MATR3: variants seen among roughly 807,000 people sequenced by gnomAD.
The protein encoded by MATR3 is matrin 3, also known as matrin-3.
In MATR3, 4 loss-of-function variants were observed where a neutral mutation model predicts 85.5. The ratio of observed to expected loss-of-function variants is 0.05; its 90% confidence interval spans 0.02 to 0.11. The LOEUF (loss-of-function observed/expected upper bound fraction) is 0.11. Ranked by LOEUF, MATR3 falls within the 10% of genes least tolerant of loss-of-function variation. MATR3 has a pLI of 1.00. For synonymous variants in MATR3, 336 were observed against 343.1 expected, an observed-to-expected ratio of 0.98 and a Z score of 0.23; for missense variants, 685 against 1,016.1, an observed-to-expected ratio of 0.67 and a Z score of 4.43.
chr5:139,329,575 G>T lies in MATR3; in HGVS notation c.*180G>T, dbSNP rs748891727. On this transcript the variant is annotated 3_prime_UTR_variant, in exon 15 of 15. Transcript: ENST00000394805. ...TTATAGCAAAAAAAATACACATATG[G>T]TTAAGTTAATGAATAGTTTTTGTTT... 1 of 619,102 alleles carries T rather than the reference G, an allele frequency of 1.6e-6. No homozygotes were observed. The highest frequency in any genetic ancestry group is 2.2e-5 in the Admixed American group (1 of 46,266). The allele number at this position is 619,102 out of a possible 1,614,324, so 38.4% of individuals were successfully genotyped here. A position where few individuals can be genotyped will look rare whatever the true frequency, so the allele number is the denominator to read the frequency against.
chr5:139,285,763 G>T lies in MATR3; in HGVS notation c.-178+6634G>T, dbSNP rs567201591. ...AATCATTAAAAAGAACCAAATTCTG[G>T]AGCTAGAGAACACAATGACTAAATT... On this transcript the variant is annotated intron_variant, in intron 3 of 16. Coordinates refer to ENST00000509990, the Ensembl canonical transcript of MATR3. Among the ~76,000 whole-genome samples the T allele has an allele frequency of 2.0e-5, 3 of 152,210 alleles. No individual in the cohort carries two copies. The South Asian group carries it at 6.2e-4, about 32-fold the overall frequency.
At chr5:139,314,326 AATACTT>A (rs1255420673) in intron 2 of MATR3, 3 of 315,136 alleles carry the variant, frequency 9.5e-6, no homozygotes, top group African/African-American at 4.3e-5. Context: ...GCATACAATG[AATACTT>A]CAGTTTGGTC....
intron 12 of MATR3, among the ~76,000 whole-genome samples, chr5:139,324,146 A>G (rs1274530064): frequency 6.6e-6 from 1 of 152,186 alleles, no homozygotes; most frequent in Non-Finnish European, 1.5e-5. Flanking sequence ...TTTAATCCTC[A>G]CAGTAACCAT....
Position 139,307,372 on chromosome 5 carries a change from ATTTT to A in MATR3, c.-36_-33del. 1 of 1,496,406 alleles carries A rather than the reference ATTTT, an allele frequency of 6.7e-7. No individual in the cohort carries two copies. The highest frequency in any genetic ancestry group is 9.0e-7 in the Non-Finnish European group (1 of 1,115,822). 92.7% of individuals were successfully genotyped at this position (1,496,406 alleles called of 1,614,324 possible). On this transcript the variant is annotated 5_prime_UTR_variant, in exon 2 of 15. Coordinates refer to ENST00000394805, the MANE Select transcript of MATR3 (RefSeq NM_018834.6). This position sits in a 1 kb window ranked among gnomAD's most constrained non-coding sequence, Gnocchi z 4.4. The stretch of plus-strand genomic sequence containing the variant: ...TTTCTTTTTGGCCGTCTTTAAAAAA[ATTTT>A]TTTTTTTAATCTATAAAATAGACAA...
At chr5:139,323,097 A>T (rs979928384) in intron 12 of MATR3, 130 bp downstream of exon 12, 1 of 927,706 alleles carries the variant, frequency 1.1e-6, no homozygotes, top group African/African-American at 1.7e-5. Context: ...ATGAACCAGA[A>T]TATAAACATT....
At chr5:139,316,418 G>C (rs1755246835) in intron 5 of MATR3, among the ~76,000 whole-genome samples, 1 of 151,494 alleles carries the variant, frequency 6.6e-6, no homozygotes, top group Admixed American at 6.6e-5. Context: ...GCTAATTTTC[G>C]TATTTTTAGT....
chr5:139,329,360 T>C lies in MATR3; in HGVS notation c.2509T>C (p.Leu837=), dbSNP rs1756015229. The C allele has an allele frequency of 1.9e-6, 3 of 1,612,160 alleles. No individual in the cohort carries two copies. Among genetic ancestry groups the C allele is most frequent in the Non-Finnish European group, 2.5e-6 (3 of 1,178,594 alleles). ...TTCTTTATAGAAATTTCTGAATAAATTGGCAGAAGAACGCAGACAGAAGAA... is the reference window on the plus strand; with the variant it reads ...TTCTTTATAGAAATTTCTGAATAAACTGGCAGAAGAACGCAGACAGAAGAA... ...YQKLKKFLNK[L]AEERRQKKET is the part of the protein sequence containing the mutation. The change falls in exon 15 of 15, where the codon TTG becomes CTG. Residue 837 remains leucine (L), a synonymous_variant. Transcript: ENST00000394805.
intron 1 of MATR3, among the ~76,000 whole-genome samples, chr5:139,295,394 C>G (rs1351806036): frequency 1.3e-5 from 2 of 152,190 alleles, no homozygotes; most frequent in Non-Finnish European, 2.9e-5. Flanking sequence ...ATCATTTAGC[C>G]AGATGTGTGT....
rs765808157 is a variant in MATR3, at chr5:139,319,375, A to C, written c.1476A>C (p.Gln492His). Residue 492 changes from glutamine (Q) to histidine (H), a missense_variant, in exon 9 of 15, where the codon CAA (glutamine) becomes CAC (histidine). By Grantham distance (24) the Gln-to-His change is conservative. Transcript: ENST00000394805. ...CAGATCAGAAGTTTGATCAAAAGCA[A>C]GAGCTTGGACGTGTGATACATCTCA... ...GKPDQKFDQK[Q>H]ELGRVIHLSN... 8 of 1,614,102 alleles carry C rather than the reference A, an allele frequency of 5.0e-6. No individual in the cohort carries two copies. Among genetic ancestry groups the C allele is most frequent in the Non-Finnish European group, 6.8e-6 (8 of 1,180,062 alleles).
intron 1 of MATR3, among the ~76,000 whole-genome samples, chr5:139,303,472 A>G (rs1023848206): frequency 6.6e-6 from 1 of 152,206 alleles, no homozygotes; most frequent in African/African-American, 2.4e-5. Flanking sequence ...GTGGAGTAGT[A>G]GATACCTCTT....
chr5:139,314,443 T>C, intron 2 of MATR3: 1 of 480,106 alleles, frequency 2.1e-6, no homozygotes, highest in Non-Finnish European at 3.8e-6. Flanking sequence ...TTAAGTATGT[T>C]GACAAGTTAA....
chr5:139,308,197 A>C lies in MATR3; in HGVS notation c.782A>C (p.Gln261Pro), dbSNP rs772308391. The change falls in exon 2 of 15, where the codon CAA (glutamine) becomes CCA (proline). Residue 261 changes from glutamine to proline, a missense_variant. Gln to Pro is a moderately conservative substitution (Grantham distance 76). Transcript: ENST00000394805. ...ERMGRGPGPL[Q>P]ERSLFEKKRG... is the part of the protein sequence containing the mutation. Reference sequence around the variant, plus strand: ...ATGGGACGTGGTCCTGGCCCCTTACAAGAGAGATCTCTCTTTGAGAAAAAG... The same window carrying C: ...ATGGGACGTGGTCCTGGCCCCTTACCAGAGAGATCTCTCTTTGAGAAAAAG... 3.7e-6 allele frequency: 6 copies of C among 1,614,138 alleles called. No homozygotes were observed. In the South Asian group the frequency reaches 6.6e-5, roughly 18 times the overall value.
intron 2 of MATR3, chr5:139,310,803 CTT>C (rs1273664455): frequency 2.1e-5 from 3 of 143,898 alleles, no homozygotes; most frequent in Admixed American, 6.9e-5. Context: ...TTCTTTTTTT[CTT>C]TTTTTTTTTG....
At chr5:139,300,781 T>C (rs765861637) in intron 1 of MATR3, among the ~76,000 whole-genome samples, 12 of 152,188 alleles carry the variant, frequency 7.9e-5, no homozygotes, top group Non-Finnish European at 1.5e-5. Flanking sequence ...TAGCTGGGAT[T>C]ACAGGCACAT....
At chr5:139,291,455 T>A (rs1382777906), upstream of MATR3, among the ~76,000 whole-genome samples, 1 of 152,214 alleles carries the variant, frequency 6.6e-6, no homozygotes, top group Admixed American at 6.5e-5. Context: ...ACTGACTAAA[T>A]TAGATTGAGA....
At position 139,297,268 on chromosome 5, in the gene MATR3, T is replaced by G. The variant is rs996339907; in HGVS notation, c.-178+3463T>G. On this transcript the variant is annotated intron_variant, in intron 1 of 14. Coordinates refer to ENST00000394805, the MANE Select transcript of MATR3 (RefSeq NM_018834.6). ...GATTGGAAGGGTTATAGGCTGGGAG[T>G]GTAGTTTTGCCATTTTCTGTATATG... is the stretch of plus-strand genomic sequence containing the variant. Among the ~76,000 whole-genome samples the G allele has an allele frequency of 3.9e-5, 6 of 152,170 alleles. No individual in the cohort carries two copies. The South Asian group carries it at 1.0e-3, about 26-fold the overall frequency.
At chr5:139,328,020 C>T (rs1755947768) in intron 14 of MATR3, among the ~76,000 whole-genome samples, 1 of 151,942 alleles carries the variant, frequency 6.6e-6, no homozygotes, top group African/African-American at 2.4e-5. Flanking sequence ...TGCCACTTCG[C>T]CTGGCTAATT....
intron 3 of MATR3, 74 bp downstream of exon 3, chr5:139,314,810 A>T: frequency 7.5e-7 from 1 of 1,332,848 alleles, no homozygotes; most frequent in Non-Finnish European, 1.1e-6. Context: ...TTGGGAGTTC[A>T]TCATTTACTT....
chr5:139,297,712 A>C (rs898832295), intron 1 of MATR3, among the ~76,000 whole-genome samples: 1 of 152,196 alleles, frequency 6.6e-6, no homozygotes, highest in East Asian at 1.9e-4. Flanking sequence ...GTTGTACATC[A>C]AGCCCTAATG....
Sources: gnomAD v4.1 joint callset for allele counts (sites outside exome capture counted in the v4.1 genomes callset) on GRCh38, gnomAD v4.1.1 for gene constraint, Gnocchi (gnomAD v3.1) non-coding constraint, MANE v1.5 for transcripts, NCBI Gene and HGNC (gene_info 2026-07-23, HGNC 2026-07-21) for gene names.